KSR2: variants seen among roughly 807,000 people sequenced by gnomAD.
KSR2 encodes the protein kinase suppressor of ras 2.
In KSR2, 25 loss-of-function variants were observed where a neutral mutation model predicts 107.8. The ratio of observed to expected loss-of-function variants is 0.23; its 90% CI spans 0.17 to 0.32. KSR2 has a LOEUF of 0.32. Ranked by LOEUF, KSR2 falls within the 10% of genes least tolerant of loss-of-function variation. KSR2 has a pLI of 1.00. For missense variants in KSR2, 887 were observed against 1,268.9 expected (o/e 0.70, Z 4.57); for synonymous variants, 480 against 507.0 (o/e 0.95, Z 0.71).
intron 5 of KSR2, among the ~76,000 whole-genome samples, chr12:117,602,720 T>C (rs1311155351): frequency 6.6e-6 from 1 of 152,258 alleles, no homozygotes; most frequent in Non-Finnish European, 1.5e-5. Flanking sequence ...TATTTGCGTA[T>C]AGGTATTTGT....
rs1008875682 is a variant in KSR2 at position 117,841,959 on chromosome 12, T to C, written c.472+13469A>G. ...CTGCTGTTATCATCAACCACTAGCA[T>C]TCACTCAGTCACTCCGTGACTACTT... is the stretch of plus-strand genomic sequence containing the variant. On this transcript the variant is annotated intron_variant, in intron 3 of 19. Coordinates refer to ENST00000339824, the MANE Select transcript of KSR2 (RefSeq NM_173598.6). Among the ~76,000 whole-genome samples, 9 of 152,380 alleles carry C rather than the reference T, an allele frequency of 5.9e-5. 1 individual carries two copies. The East Asian group carries it at 1.5e-3, about 26-fold the overall frequency.
intron 5 of KSR2, among the ~76,000 whole-genome samples, chr12:117,609,691 C>G (rs1881483697): frequency 2.0e-5 from 3 of 152,176 alleles, no homozygotes; most frequent in South Asian, 4.1e-4. Flanking sequence ...GGCCATATGA[C>G]AGGGCTCTCA....
chr12:117,788,232 G>A (rs529348113), intron 3 of KSR2, among the ~76,000 whole-genome samples: 1 of 152,168 alleles, frequency 6.6e-6, no homozygotes, highest in South Asian at 2.1e-4. Context: ...AGAAATGAAT[G>A]ACTTCATAAG....
intron 9 of KSR2, among the ~76,000 whole-genome samples, chr12:117,545,464 G>A (rs369598360): frequency 5.3e-4 from 80 of 152,170 alleles, no homozygotes; most frequent in African/African-American, 1.4e-3. Context: ...TACGAATTCC[G>A]TTTCCTTAAT....
intron 4 of KSR2, among the ~76,000 whole-genome samples, chr12:117,688,344 C>T (rs1455464558): frequency 1.3e-5 from 2 of 152,178 alleles, no homozygotes. Context: ...GCCACTGCAC[C>T]CCGGCCTGGG....
chr12:117,846,093 C>T (rs1291107820), intron 3 of KSR2, among the ~76,000 whole-genome samples: 1 of 151,986 alleles, frequency 6.6e-6, no homozygotes, highest in African/African-American at 2.4e-5. Flanking sequence ...GCCTGCCCTA[C>T]AGATTTCAGA....
At chr12:117,725,590 A>G in intron 4 of KSR2, among the ~76,000 whole-genome samples, 1 of 152,252 alleles carries the variant, frequency 6.6e-6, no homozygotes, top group East Asian at 1.9e-4. Flanking sequence ...TGCTAAAAGA[A>G]AATAGAACAT....
intron 1 of KSR2, among the ~76,000 whole-genome samples, chr12:117,953,833 A>C (rs1896434279): frequency 6.6e-6 from 1 of 152,206 alleles, no homozygotes; most frequent in African/African-American, 2.4e-5. Context: ...CATGCCTGTA[A>C]TTCCCAACAC....
chr12:117,733,229 C>A (rs1483753675), intron 4 of KSR2, among the ~76,000 whole-genome samples: 1 of 152,146 alleles, frequency 6.6e-6, no homozygotes, highest in Non-Finnish European at 1.5e-5. Context: ...AACAGCCCTT[C>A]CTAACCCTCC....
At chr12:117,534,954 G>A (rs994413090) in intron 10 of KSR2, among the ~76,000 whole-genome samples, 3 of 152,134 alleles carry the variant, frequency 2.0e-5, no homozygotes, top group South Asian at 2.1e-4. Context: ...TTGACATCTC[G>A]GTTTTTAGCC....
chr12:117,860,281 C>T lies in KSR2; in HGVS notation c.321+10G>A, dbSNP rs775941264. 3.7e-6 allele frequency: 6 copies of T among 1,606,242 alleles called. No individual in the cohort carries two copies. In the Admixed American group the frequency reaches 1.0e-4, roughly 27 times the overall value. On this transcript the variant is annotated intron_variant, in intron 2 of 19. Coordinates refer to ENST00000339824, the MANE Select transcript of KSR2 (RefSeq NM_173598.6). ...TAAGGGGCAGGGGACACAGGGGCCC[C>T]CCAGGTCACCTCCAGGACCTCCTTG...
intron 5 of KSR2, among the ~76,000 whole-genome samples, chr12:117,610,949 G>A (rs1453277755): frequency 6.6e-6 from 1 of 151,992 alleles, no homozygotes; most frequent in Non-Finnish European, 1.5e-5. Flanking sequence ...CCATAGTATT[G>A]TGTAAAAAAT....
intron 5 of KSR2, among the ~76,000 whole-genome samples, chr12:117,642,504 GTCCCTGAA>G (rs1339756268): frequency 1.3e-5 from 2 of 152,184 alleles, no homozygotes; most frequent in African/African-American, 4.8e-5. Context: ...AAACGTACCT[GTCCCTGAA>G]TCTTTCCTCC....
intron 1 of KSR2, among the ~76,000 whole-genome samples, chr12:117,905,076 G>A (rs544469297): frequency 5.9e-5 from 9 of 152,230 alleles, no homozygotes; most frequent in Admixed American, 1.3e-4. Flanking sequence ...CAGCTACTCA[G>A]GAGGCTAAGG....
At chr12:117,601,313 A>T in intron 5 of KSR2, among the ~76,000 whole-genome samples, 1 of 149,520 alleles carries the variant, frequency 6.7e-6, no homozygotes, top group Non-Finnish European at 1.5e-5. Flanking sequence ...GGGGTACCTA[A>T]TTACTAGATT....
chr12:117,459,130 C>G lies in KSR2; in HGVS notation c.*8069G>C, dbSNP rs1184107340. 1 of 152,230 alleles carries G rather than the reference C, an allele frequency of 6.6e-6. No homozygotes were observed. The highest frequency in any genetic ancestry group is 1.5e-5 in the Non-Finnish European group (1 of 68,060). 9.4% of individuals were successfully genotyped at this position (152,230 alleles called of 1,614,324 possible). A position where few individuals can be genotyped will look rare whatever the true frequency, so the allele number is the denominator to read the frequency against. ...GCAGATTACCGAGTAGGATCATACA[C>G]AGAGTCTTAGAGACAGAATCTTTCT... On this transcript the variant is annotated 3_prime_UTR_variant, in exon 20 of 20. Coordinates refer to ENST00000339824, the MANE Select transcript of KSR2 (RefSeq NM_173598.6).
At chr12:117,502,523 G>A (rs557386909) in intron 14 of KSR2, among the ~76,000 whole-genome samples, 1 of 152,188 alleles carries the variant, frequency 6.6e-6, no homozygotes, top group African/African-American at 2.4e-5. Context: ...GGGAATGACT[G>A]GTAATGGGTA....
chr12:117,479,806 T>C (rs1276634759), intron 16 of KSR2, among the ~76,000 whole-genome samples: 1 of 152,228 alleles, frequency 6.6e-6, no homozygotes, highest in Admixed American at 6.5e-5. Flanking sequence ...AAATCAGCTC[T>C]TGCTTCTAGA....
At chr12:117,688,617 A>G (rs1212498657) in intron 4 of KSR2, among the ~76,000 whole-genome samples, 1 of 152,178 alleles carries the variant, frequency 6.6e-6, no homozygotes, top group East Asian at 1.9e-4. Flanking sequence ...TACTTTTCAC[A>G]TGCTAGTGTC....
Sources: allele counts gnomAD v4.1 joint callset (sites outside exome capture counted in the v4.1 genomes callset), GRCh38; gene constraint gnomAD v4.1.1; transcripts MANE v1.5; gene names NCBI Gene and HGNC (gene_info 2026-07-23, HGNC 2026-07-21).